Variants in CRYBG3 observed in about 807,000 individuals in gnomAD.
CRYBG3 encodes crystallin beta-gamma domain containing 3.
Under a neutral mutation model 244.2 loss-of-function variants are expected in CRYBG3, and 127 were observed. That is an observed-to-expected ratio of 0.52 (90% CI 0.45 to 0.60). The LOEUF (loss-of-function observed/expected upper bound fraction) is 0.60. Among genes scored for constraint, CRYBG3 ranks in the 20% least tolerant of loss-of-function variants. The pLI, the probability that CRYBG3 is intolerant of heterozygous loss-of-function variation, is 0.00. For synonymous variants in CRYBG3, 1,132 were observed against 1,195.8 expected (o/e 0.95, Z 1.10); for missense variants, 3,325 against 3,442.5 (o/e 0.97, Z 0.85).
intron 14 of CRYBG3, 30 bp from the exon 15 acceptor site, chr3:97,900,423 A>G (rs2108240372): frequency 1.4e-6 from 2 of 1,479,504 alleles, no homozygotes; most frequent in Non-Finnish European, 1.9e-6. Flanking sequence ...TGTGATTACA[A>G]TTTTGAAAAT....
At chr3:97,911,067 G>C (rs1294014037) in intron 15 of CRYBG3, among the ~76,000 whole-genome samples, 1 of 152,130 alleles carries the variant, frequency 6.6e-6, no homozygotes. Context: ...AGATGATATG[G>C]GGAAGTAGTT....
chr3:97,902,427 T>G (rs1443313094), intron 15 of CRYBG3, among the ~76,000 whole-genome samples: 1 of 152,158 alleles, frequency 6.6e-6, no homozygotes, highest in African/African-American at 2.4e-5. Context: ...TTTTTTAATT[T>G]TATTTATTTT....
At chr3:97,848,960 C>G (rs2038943251) in intron 2 of CRYBG3, among the ~76,000 whole-genome samples, 1 of 152,212 alleles carries the variant, frequency 6.6e-6, no homozygotes, top group Non-Finnish European at 1.5e-5. Context: ...CCTGCCATTC[C>G]TGGCACCTCC....
chr3:97,900,755 C>T (rs2039697683), intron 15 of CRYBG3, among the ~76,000 whole-genome samples: 1 of 152,206 alleles, frequency 6.6e-6, no homozygotes, highest in African/African-American at 2.4e-5. Flanking sequence ...GGCACTCTTT[C>T]TTTCCCATCG....
At chr3:97,894,893 A>T (rs2039623169) in intron 11 of CRYBG3, among the ~76,000 whole-genome samples, 1 of 152,186 alleles carries the variant, frequency 6.6e-6, no homozygotes, top group Non-Finnish European at 1.5e-5. Flanking sequence ...ATTCCAATTC[A>T]TGTGGACCCT....
At chr3:97,919,295 A>G (rs2039959362) in intron 17 of CRYBG3, among the ~76,000 whole-genome samples, 1 of 152,100 alleles carries the variant, frequency 6.6e-6, no homozygotes, top group Admixed American at 6.6e-5. Flanking sequence ...TTCTAAAATC[A>G]TCAGGTAATT....
At chr3:97,851,033 T>C (rs899384040) in intron 2 of CRYBG3, among the ~76,000 whole-genome samples, 5 of 150,980 alleles carry the variant, frequency 3.3e-5, no homozygotes, top group Admixed American at 2.0e-4. Context: ...CTTGGGAGGC[T>C]GAGGCAGAAG....
At chr3:97,899,343 T>C in intron 14 of CRYBG3, 80 bp downstream of exon 14, 1 of 1,452,228 alleles carries the variant, frequency 6.9e-7, no homozygotes, top group Non-Finnish European at 9.3e-7. Context: ...TTTTTAAAAG[T>C]GGAGTTGTTG....
chr3:97,937,511 T>A (rs2040177608), intron 19 of CRYBG3, among the ~76,000 whole-genome samples: 1 of 152,080 alleles, frequency 6.6e-6, no homozygotes, highest in African/African-American at 2.4e-5. Context: ...ATTTGACTAG[T>A]CATCCCTGTA....
At chr3:97,828,916 T>C (rs905774859) in intron 1 of CRYBG3, among the ~76,000 whole-genome samples, 2 of 151,814 alleles carry the variant, frequency 1.3e-5, no homozygotes, top group Admixed American at 1.3e-4. Flanking sequence ...GCCCCATTTG[T>C]ATATACAAAA....
chr3:97,876,966 A>G lies in CRYBG3; in HGVS notation c.5772A>G (p.Arg1924=). The change falls in exon 4 of 22, where the codon AGA becomes AGG. Residue 1924 remains arginine (R), a synonymous_variant. Coordinates refer to ENST00000389622, the MANE Select transcript of CRYBG3 (RefSeq NM_153605.4). ...AAGGCTTGATAGCACATGAAAATAG[A>G]CTTCCTACATATTTCAGGGGATATG... The part of the protein sequence containing the change: ...IKEGLIAHEN[R]LPTYFRGYES... The G allele has an allele frequency of 6.6e-7, 1 of 1,508,762 alleles. No homozygotes were observed. The highest frequency in any genetic ancestry group is 1.4e-5 in the African/African-American group (1 of 71,640). 93.5% of individuals were successfully genotyped at this position (1,508,762 alleles called of 1,614,324 possible).
At position 97,876,344 on chromosome 3, in the gene CRYBG3, C is replaced by T. The variant is rs916481069; in HGVS notation, c.5150C>T (p.Thr1717Ile). ...CCCGTTACATTAGCAATGGAAAATA[C>T]TTACCAAAAGGATGCTGAAGGGGAT... ...VIPVTLAMEN[T>I]YQKDAEGDIG... Residue 1717 changes from threonine to isoleucine, a missense_variant, in exon 4 of 22, where the codon ACT (threonine) becomes ATT (isoleucine). Coordinates refer to ENST00000389622, the MANE Select transcript of CRYBG3 (RefSeq NM_153605.4). The T allele has an allele frequency of 1.5e-5, 18 of 1,231,140 alleles. No homozygotes were observed. Among genetic ancestry groups the T allele is most frequent in the Admixed American group, 1.3e-4 (3 of 23,638 alleles). The allele number at this position is 1,231,140 out of a possible 1,614,324, so 76.3% of individuals were successfully genotyped here. A position where few individuals can be genotyped will look rare whatever the true frequency, so the allele number is the denominator to read the frequency against.
chr3:97,929,573 CA>C (rs1057332260), intron 17 of CRYBG3, among the ~76,000 whole-genome samples: 1 of 151,676 alleles, frequency 6.6e-6, no homozygotes, highest in Non-Finnish European at 1.5e-5. Context: ...AGAAAAAAAT[CA>C]AAGCTTCAAA....
At chr3:97,845,602 C>T (rs972903565) in intron 2 of CRYBG3, among the ~76,000 whole-genome samples, 1 of 152,074 alleles carries the variant, frequency 6.6e-6, no homozygotes, top group African/African-American at 2.4e-5. Context: ...TGTGTTATGC[C>T]CTGCTCTCTT....
At chr3:97,862,801 G>A (rs1249926276) in intron 2 of CRYBG3, among the ~76,000 whole-genome samples, 1 of 152,112 alleles carries the variant, frequency 6.6e-6, no homozygotes, top group African/African-American at 2.4e-5. Flanking sequence ...CATTCTAAAT[G>A]TAGAGGCTCA....
intron 17 of CRYBG3, among the ~76,000 whole-genome samples, chr3:97,928,766 G>A (rs968570292): frequency 4.0e-5 from 6 of 151,868 alleles, no homozygotes; most frequent in African/African-American, 1.4e-4. Flanking sequence ...ACACAAATTG[G>A]GTAGTATTAT....
chr3:97,943,021 G>A (rs571677649), intron 21 of CRYBG3: 7 of 540,198 alleles, frequency 1.3e-5, no homozygotes, highest in African/African-American at 1.2e-4. Flanking sequence ...ATACCTTTTA[G>A]TATTTCAATT....
Position 97,905,514 on chromosome 3 carries a change from A to G in CRYBG3, c.8004+5029A>G, listed in dbSNP as rs1269889015. On this transcript the variant is annotated intron_variant, in intron 15 of 21. Coordinates refer to ENST00000389622, the MANE Select transcript of CRYBG3 (RefSeq NM_153605.4). ...GGCCAGTGATGATGAGCATTTTTTC[A>G]TGTGTGTTTTGGCTGCATAAATGTC... Among the ~76,000 whole-genome samples the G allele has an allele frequency of 7.2e-5, 11 of 151,966 alleles. 1 individual carries two copies. The East Asian group carries it at 1.2e-3, about 16-fold the overall frequency.
chr3:97,838,859 T>G (rs1224200710), intron 1 of CRYBG3, among the ~76,000 whole-genome samples: 1 of 152,128 alleles, frequency 6.6e-6, no homozygotes, highest in East Asian at 1.9e-4. Context: ...CCATTGCTTA[T>G]GAAAAATATT....
Sources: gnomAD v4.1 joint callset for allele counts (sites outside exome capture counted in the v4.1 genomes callset) on GRCh38, gnomAD v4.1.1 for gene constraint, MANE v1.5 for transcripts, NCBI Gene and HGNC (gene_info 2026-07-23, HGNC 2026-07-21) for gene names.